The following DLGAP4 variants were observed in gnomAD, a reference collection of about 807,000 sequenced individuals.
DLGAP4 encodes disks large-associated protein 4.
In DLGAP4, 18 loss-of-function variants were observed where a neutral mutation model predicts 86.9. The observed-to-expected ratio is 0.21, with a 90% CI of 0.14 to 0.31. DLGAP4 has a LOEUF of 0.31. Among genes scored for constraint, DLGAP4 ranks in the 10% least tolerant of loss-of-function variants. DLGAP4 has a pLI of 1.00. For synonymous variants in DLGAP4, 548 were observed against 574.3 expected (o/e 0.95, Z 0.65); for missense variants, 1,085 against 1,362.6 (o/e 0.80, Z 3.21).
chr20:36,526,443 T>G (rs78828463), intron 12 of DLGAP4, among the ~76,000 whole-genome samples: 3,943 of 152,208 alleles, frequency 0.026, 202 homozygotes, highest in African/African-American at 0.091. Flanking sequence ...TGGCCCTGTC[T>G]AATCCCCTAG....
Position 36,490,731 on chromosome 20 carries a change from A to C in DLGAP4, c.1649-5974A>C, listed in dbSNP as rs117781461. Among the ~76,000 whole-genome samples, 76 of 152,304 alleles carry C rather than the reference A, an allele frequency of 5.0e-4. No homozygotes were observed. In the East Asian group the frequency reaches 0.012, roughly 24 times the overall value. On this transcript the variant is annotated intron_variant, in intron 7 of 12. Transcript: ENST00000339266. ...CTCAGGCACCTGGGAGCCAGCAGGC[A>C]TGAGGCCCGTGTTAGGCCTCAGGAC...
chr20:36,489,822 G>A (rs2035580739), intron 7 of DLGAP4, among the ~76,000 whole-genome samples: 1 of 147,980 alleles, frequency 6.8e-6, no homozygotes, highest in Non-Finnish European at 1.5e-5. Flanking sequence ...TCTTGCTGGA[G>A]TTTGAAAGTA....
rs186405973 is a variant in DLGAP4, at chr20:36,308,377, C to A, written c.-304+1865C>A. Among the ~76,000 whole-genome samples the A allele has an allele frequency of 9.0e-4, 137 of 152,284 alleles. No homozygotes were observed. The highest frequency in any genetic ancestry group is 3.8e-3 in the Admixed American group (58 of 15,300). On this transcript the variant is annotated intron_variant, in intron 1 of 12. Coordinates refer to ENST00000339266, the MANE Select transcript of DLGAP4 (RefSeq NM_001365621.2). This position sits in a 1 kb window ranked among gnomAD's most constrained non-coding sequence, Gnocchi z 4.5. ...GGCAGCCTGTGTCAGGCATTGGAGA[C>A]AGTGTCCATGCTGAAGAGAAACTGT...
At chr20:36,484,254 G>C (rs1164710768) in intron 7 of DLGAP4, among the ~76,000 whole-genome samples, 1 of 152,210 alleles carries the variant, frequency 6.6e-6, no homozygotes, top group Non-Finnish European at 1.5e-5. Flanking sequence ...CCAGCCCTCT[G>C]TCAGTGGGAG....
intron 1 of DLGAP4, among the ~76,000 whole-genome samples, chr20:36,322,428 C>G (rs2065177939): frequency 6.6e-6 from 1 of 152,092 alleles, no homozygotes; most frequent in Admixed American, 6.6e-5. Flanking sequence ...AGATGCAAAT[C>G]CAGCTCTGCT....
intron 5 of DLGAP4, among the ~76,000 whole-genome samples, chr20:36,440,428 G>A (rs2033414757): frequency 6.6e-6 from 1 of 152,176 alleles, no homozygotes; most frequent in South Asian, 2.1e-4. Context: ...TACTCAGTGG[G>A]CAGTTGTGCT....
intron 1 of DLGAP4, among the ~76,000 whole-genome samples, chr20:36,347,652 C>T (rs1009227772): frequency 6.6e-6 from 1 of 151,276 alleles, no homozygotes; most frequent in East Asian, 1.9e-4. Flanking sequence ...AGCAAGACCC[C>T]GTCTCCACAA....
rs2037832875 is a variant in DLGAP4 at position 36,527,328 on chromosome 20, C to T, written c.*297C>T. 1 of 269,308 alleles carries T rather than the reference C, an allele frequency of 3.7e-6. No individual in the cohort carries two copies. Among genetic ancestry groups the T allele is most frequent in the African/African-American group, 2.2e-5 (1 of 45,380 alleles). 16.7% of individuals were successfully genotyped at this position (269,308 alleles called of 1,614,324 possible). On this transcript the variant is annotated 3_prime_UTR_variant, in exon 13 of 13. Coordinates refer to ENST00000339266, the MANE Select transcript of DLGAP4 (RefSeq NM_001365621.2). ...AGATGGACGTCGGCAACTCCCGGCC[C>T]AGCCTCCATACTGCGGTCTTTTTAC...
intron 1 of DLGAP4, among the ~76,000 whole-genome samples, chr20:36,365,987 G>A (rs981384226): frequency 1.8e-4 from 27 of 152,308 alleles, no homozygotes; most frequent in Admixed American, 1.6e-3. Flanking sequence ...AGGGGAGAGG[G>A]TGGAGGGTGA....
At chr20:36,414,614 G>T (rs2032600753) in intron 2 of DLGAP4, among the ~76,000 whole-genome samples, 1 of 152,232 alleles carries the variant, frequency 6.6e-6, no homozygotes, top group Non-Finnish European at 1.5e-5. Context: ...CTTGAGCCCA[G>T]TTAGCAAAGT....
chr20:36,431,095 ACCCTGGGAT>A lies in DLGAP4; in HGVS notation c.-72-550_-72-542del, dbSNP rs2033116900. 6.6e-6 allele frequency among the ~76,000 whole-genome samples: 1 copy of A among 151,814 alleles called. No individual in the cohort carries two copies. Among genetic ancestry groups the A allele is most frequent in the South Asian group, 2.1e-4 (1 of 4,810 alleles). On this transcript the variant is annotated intron_variant, in intron 2 of 12. Transcript: ENST00000339266. The surrounding 1 kb of genome is among the most constrained non-coding windows in gnomAD (Gnocchi z 5.1). ...CCATAGACCACCCTGGATACTGGGC[ACCCTGGGAT>A]TCCCTGCCCAAATGACCCACGCCTG...
At chr20:36,498,710 G>T (rs943404119) in intron 8 of DLGAP4, 1 of 152,800 alleles carries the variant, frequency 6.5e-6, no homozygotes, top group Non-Finnish European at 1.5e-5. Context: ...AGAGTCCCCA[G>T]TTTCTGAGGA....
At chr20:36,398,173 G>A (rs1016021291) in intron 2 of DLGAP4, among the ~76,000 whole-genome samples, 1 of 152,224 alleles carries the variant, frequency 6.6e-6, no homozygotes, top group African/African-American at 2.4e-5. Context: ...TAATTTTGGG[G>A]TTCAAACTTT....
At chr20:36,318,114 ACACACACACAC>A (rs2065128464) in intron 1 of DLGAP4, among the ~76,000 whole-genome samples, 2 of 30,960 alleles carry the variant, frequency 6.5e-5, no homozygotes, top group Non-Finnish European at 3.7e-4. Flanking sequence ...TCTCACACAC[ACACACACACAC>A]ACACACACAC....
chr20:36,320,879 C>G (rs1555890476), intron 1 of DLGAP4, among the ~76,000 whole-genome samples: 1 of 152,206 alleles, frequency 6.6e-6, no homozygotes, highest in African/African-American at 2.4e-5. Flanking sequence ...GTCCTTGGCT[C>G]CCTGTCTGCC....
At chr20:36,419,738 T>C (rs1173038077) in intron 2 of DLGAP4, among the ~76,000 whole-genome samples, 1 of 152,228 alleles carries the variant, frequency 6.6e-6, no homozygotes, top group South Asian at 2.1e-4. Flanking sequence ...TTAGGACTAC[T>C]TGAGTGTCCT....
intron 1 of DLGAP4, among the ~76,000 whole-genome samples, chr20:36,318,872 G>A (rs967720165): frequency 1.3e-5 from 2 of 152,184 alleles, no homozygotes; most frequent in Non-Finnish European, 2.9e-5. Flanking sequence ...GAAGGCAGGC[G>A]CGGTGGCTCA....
chr20:36,432,791 C>T lies in DLGAP4; in HGVS notation c.999+75C>T, dbSNP rs2033164857. On this transcript the variant is annotated intron_variant, in intron 3 of 12. Transcript: ENST00000339266. This position sits in a 1 kb window ranked among gnomAD's most constrained non-coding sequence, Gnocchi z 6.5. The stretch of plus-strand genomic sequence containing the variant: ...CCAGTTTTGAGGCCTAGACGTACCA[C>T]AGATTCACTTGGAAAGTCACTTCAT... The T allele has an allele frequency of 6.5e-7, 1 of 1,538,100 alleles. No individual in the cohort carries two copies.
At chr20:36,442,673 C>G (rs2033481427) in intron 5 of DLGAP4, 54 bp from the exon 6 acceptor site, 1 of 1,599,766 alleles carries the variant, frequency 6.3e-7, no homozygotes, top group African/African-American at 1.3e-5. Context: ...CTGAATCCCC[C>G]ACCCCAGCCC....
Sources: gnomAD v4.1 joint callset for allele counts (sites outside exome capture counted in the v4.1 genomes callset) on GRCh38, gnomAD v4.1.1 for gene constraint, Gnocchi (gnomAD v3.1) non-coding constraint, MANE v1.5 for transcripts, NCBI Gene and HGNC (gene_info 2026-07-23, HGNC 2026-07-21) for gene names.